The following ACTR3C variants were observed in gnomAD, a reference collection of about 807,000 sequenced individuals.
ACTR3C encodes actin related protein 3C.
ACTR3C carries 18 observed loss-of-function variants against 26.3 expected under a neutral mutation model. The observed-to-expected ratio is 0.68, with a 90% CI of 0.47 to 1.01. The LOEUF is 1.01. ACTR3C is among the 50% of genes least tolerant of loss of function. The probability of loss-of-function intolerance (pLI) is 0.00; values close to 1 mark genes in which losing one functional copy is unlikely to be tolerated. For synonymous variants in ACTR3C, 55 were observed against 94.5 expected, an observed-to-expected ratio of 0.58 and a Z score of 2.42; for missense variants, 184 against 250.7, an observed-to-expected ratio of 0.73 and a Z score of 1.80.
the ACTR3C span, among the ~76,000 whole-genome samples, chr7:149,899,758 A>G: frequency 1.3e-5 from 2 of 151,692 alleles, no homozygotes; most frequent in Non-Finnish European, 2.9e-5. Flanking sequence ...AAATTTGGCA[A>G]GAAAAAAAAA....
chr7:149,961,584 TAAG>T, the ACTR3C span, among the ~76,000 whole-genome samples: 1 of 149,262 alleles, frequency 6.7e-6, no homozygotes, highest in African/African-American at 2.5e-5. Context: ...AGTGCATAGA[TAAG>T]AAGTGTGTGC....
chr7:150,294,886 T>C (rs961730902), intron 2 of ACTR3C, among the ~76,000 whole-genome samples: 2 of 151,398 alleles, frequency 1.3e-5, no homozygotes, highest in African/African-American at 4.9e-5. Flanking sequence ...CTGGGACTCA[T>C]AAGAGCCCAA....
chr7:149,995,761 G>A, the ACTR3C span, among the ~76,000 whole-genome samples: 6 of 152,382 alleles, frequency 3.9e-5, no homozygotes, highest in South Asian at 8.3e-4. Context: ...TGGAAAGGCC[G>A]AAGAGGTAAA....
At chr7:150,181,676 C>G in the ACTR3C span, among the ~76,000 whole-genome samples, 1 of 150,368 alleles carries the variant, frequency 6.7e-6, no homozygotes, top group Non-Finnish European at 1.5e-5. Context: ...GCACTACCAT[C>G]ATAAAATTAA....
the ACTR3C span, among the ~76,000 whole-genome samples, chr7:150,210,682 T>C: frequency 1.3e-5 from 2 of 149,232 alleles, no homozygotes; most frequent in Non-Finnish European, 2.9e-5. Context: ...GAAAGTAATA[T>C]ATAGTAACAG....
chr7:150,056,919 C>T, the ACTR3C span, among the ~76,000 whole-genome samples: 2 of 143,514 alleles, frequency 1.4e-5, no homozygotes, highest in South Asian at 4.9e-4. Flanking sequence ...CAGTGTAAGG[C>T]GATATTTACA....
chr7:150,197,868 C>T, the ACTR3C span, among the ~76,000 whole-genome samples: 2 of 149,974 alleles, frequency 1.3e-5, no homozygotes, highest in African/African-American at 4.9e-5. Context: ...TCCCCTCTCC[C>T]CTCTCCCCTC....
the ACTR3C span, among the ~76,000 whole-genome samples, chr7:150,076,003 T>C: frequency 6.6e-6 from 1 of 152,148 alleles, no homozygotes; most frequent in East Asian, 1.9e-4. Context: ...TCATAACATA[T>C]GCACGTTAAA....
chr7:150,229,212 T>C, the ACTR3C span, among the ~76,000 whole-genome samples: 2 of 151,920 alleles, frequency 1.3e-5, no homozygotes, highest in South Asian at 4.1e-4. Flanking sequence ...TAGAAATTCC[T>C]GTATGATGTT....
chr7:150,065,402 T>A, the ACTR3C span, among the ~76,000 whole-genome samples: 1 of 152,252 alleles, frequency 6.6e-6, no homozygotes, highest in Non-Finnish European at 1.5e-5. Context: ...TATTTTCAAG[T>A]CTTAAAGTGA....
chr7:150,215,506 C>T, the ACTR3C span, among the ~76,000 whole-genome samples: 11 of 152,136 alleles, frequency 7.2e-5, no homozygotes, highest in Middle Eastern at 3.4e-3. Flanking sequence ...AGGGATTTCG[C>T]TAGTTGAGTT....
chr7:149,967,015 C>T, the ACTR3C span, among the ~76,000 whole-genome samples: 1 of 145,454 alleles, frequency 6.9e-6, no homozygotes, highest in Admixed American at 7.1e-5. Context: ...GCGTGTGTCA[C>T]CATGCACAGC....
chr7:150,192,066 G>A, the ACTR3C span, among the ~76,000 whole-genome samples: 4 of 150,748 alleles, frequency 2.7e-5, no homozygotes, highest in Non-Finnish European at 5.9e-5. Context: ...TGCATGCTTG[G>A]AACAAACTTG....
chr7:149,985,737 A>G, the ACTR3C span, among the ~76,000 whole-genome samples: 2 of 152,166 alleles, frequency 1.3e-5, no homozygotes, highest in African/African-American at 2.4e-5. Flanking sequence ...TGTCCTTTCA[A>G]TCAAGCACAG....
At chr7:150,279,894 G>T (rs963337891) in intron 6 of ACTR3C, among the ~76,000 whole-genome samples, 1 of 152,098 alleles carries the variant, frequency 6.6e-6, no homozygotes, top group African/African-American at 2.4e-5. Context: ...AGCTCTTGAA[G>T]ACAAGAACCG....
chr7:149,901,302 G>A, the ACTR3C span, among the ~76,000 whole-genome samples: 1 of 150,804 alleles, frequency 6.6e-6, no homozygotes, highest in African/African-American at 2.4e-5. Flanking sequence ...TCTACAGGTA[G>A]AATTACAATG....
chr7:150,042,131 A>C, the ACTR3C span, among the ~76,000 whole-genome samples: 190 of 48,518 alleles, frequency 3.9e-3, no homozygotes, highest in East Asian at 0.011. Context: ...TGGGGGTCCT[A>C]AGAGCCAGTG....
the ACTR3C span, among the ~76,000 whole-genome samples, chr7:150,195,762 G>C: frequency 0.03 from 4,520 of 152,186 alleles, 219 homozygotes; most frequent in African/African-American, 0.1. Context: ...GCCTGTAATA[G>C]CAGCTACTTG....
At chr7:150,042,501 G>A in the ACTR3C span, among the ~76,000 whole-genome samples, 1,379 of 146,192 alleles carry the variant, frequency 9.4e-3, 37 homozygotes, top group Admixed American at 0.048. Flanking sequence ...GCCTCGCGGG[G>A]ATTGCCTCGC....
Sources: allele counts gnomAD v4.1 joint callset (sites outside exome capture counted in the v4.1 genomes callset), GRCh38; gene constraint gnomAD v4.1.1; transcripts MANE v1.5; gene names NCBI Gene and HGNC (gene_info 2026-07-23, HGNC 2026-07-21).